The following USH2A variants were observed in gnomAD, a reference collection of about 807,000 sequenced individuals.
The protein encoded by USH2A is usherin.
A neutral mutation model predicts 538.9 loss-of-function variants in USH2A; 443 were observed. The observed-to-expected ratio is 0.82, with a 90% CI of 0.76 to 0.89. The LOEUF (loss-of-function observed/expected upper bound fraction) is 0.89, where lower values mean the gene tolerates loss of function less well. USH2A is among the 40% of genes least tolerant of loss of function. The pLI is 0.00. For missense variants in USH2A, 6,633 were observed against 6,324.8 expected (o/e 1.05, Z -1.65); for synonymous variants, 2,413 against 2,273.5 (o/e 1.06, Z -1.75).
chr1:216,136,405 C>A (rs370364063), intron 21 of USH2A, among the ~76,000 whole-genome samples: 1 of 152,002 alleles, frequency 6.6e-6, no homozygotes, highest in Non-Finnish European at 1.5e-5. Flanking sequence ...TACCATAGTG[C>A]ACCATGCTGT....
chr1:216,312,639 T>A (rs1451393290), intron 9 of USH2A, among the ~76,000 whole-genome samples: 1 of 148,724 alleles, frequency 6.7e-6, no homozygotes, highest in Non-Finnish European at 1.5e-5. Flanking sequence ...TCTTTTTGCT[T>A]CTTTGTCAGA....
chr1:215,979,309 G>A (rs899003186), intron 35 of USH2A, among the ~76,000 whole-genome samples: 13 of 152,046 alleles, frequency 8.6e-5, no homozygotes, highest in Non-Finnish European at 1.8e-4. Flanking sequence ...GATTTGGGTG[G>A]GGACACAGAG....
chr1:215,654,511 G>A (rs1657180988), intron 64 of USH2A, among the ~76,000 whole-genome samples: 1 of 152,202 alleles, frequency 6.6e-6, no homozygotes, highest in Non-Finnish European at 1.5e-5. Flanking sequence ...ATGTGAATGA[G>A]TGGGTGCACA....
chr1:215,639,136 TATA>T lies in USH2A; in HGVS notation c.15052+16_15052+18del, dbSNP rs1656594052. 1 of 1,612,840 alleles carries T rather than the reference TATA, an allele frequency of 6.2e-7. No homozygotes were observed. The highest frequency in any genetic ancestry group is 2.2e-5 in the East Asian group (1 of 44,866). On this transcript the variant is annotated intron_variant, in intron 69 of 71. Coordinates refer to ENST00000307340, the MANE Select transcript of USH2A (RefSeq NM_206933.4). ...GAAGATGAATAGGTGCTACGCCAAGTATAATATGAGTTGTTTACCAAGTCCAGT... is the reference window on the plus strand; with the variant it reads ...GAAGATGAATAGGTGCTACGCCAAGTATATGAGTTGTTTACCAAGTCCAGT...
intron 44 of USH2A, among the ~76,000 whole-genome samples, chr1:215,855,718 A>T (rs918882150): frequency 6.6e-6 from 1 of 152,140 alleles, no homozygotes; most frequent in African/African-American, 2.4e-5. Flanking sequence ...AAAAGAACTC[A>T]CATAGCCAAA....
chr1:216,162,258 C>T (rs2034073469), intron 21 of USH2A, among the ~76,000 whole-genome samples: 2 of 152,036 alleles, frequency 1.3e-5, no homozygotes, highest in South Asian at 4.2e-4. Flanking sequence ...TCTAATCTTG[C>T]CTTCTGCAAT....
At chr1:215,830,466 G>T (rs149928277) in intron 47 of USH2A, among the ~76,000 whole-genome samples, 1 of 151,558 alleles carries the variant, frequency 6.6e-6, no homozygotes, top group Non-Finnish European at 1.5e-5. Flanking sequence ...TTTTTTTCTC[G>T]AATTCCTCTT....
intron 3 of USH2A, among the ~76,000 whole-genome samples, chr1:216,385,650 A>G (rs189402780): frequency 1.6e-4 from 24 of 152,312 alleles, no homozygotes; most frequent in Non-Finnish European, 3.4e-4. Context: ...GGCTGTTTTA[A>G]TAAGATCCCT....
rs73092463 is a variant in USH2A at position 215,974,232 on chromosome 1, T to A, written c.6806-3456A>T. Among the ~76,000 whole-genome samples the A allele has an allele frequency of 6.6e-3, 1,001 of 152,272 alleles. 11 individuals carry two copies. The highest frequency in any genetic ancestry group is 0.023 in the African/African-American group (945 of 41,568). On this transcript the variant is annotated intron_variant, in intron 35 of 71. Coordinates refer to ENST00000307340, the MANE Select transcript of USH2A (RefSeq NM_206933.4). Reference sequence around the variant, plus strand: ...CAATTTTAACTTCATTGACCTCAGATTCCTAAACAGAGTAACAAAAACTAA... The same window carrying A: ...CAATTTTAACTTCATTGACCTCAGAATCCTAAACAGAGTAACAAAAACTAA...
chr1:216,040,486 G>A (rs950885576), intron 32 of USH2A, among the ~76,000 whole-genome samples: 1 of 151,862 alleles, frequency 6.6e-6, no homozygotes, highest in Non-Finnish European at 1.5e-5. Flanking sequence ...TGCTATTTTT[G>A]TTTCTAAAAA....
At chr1:215,627,680 C>T (rs1013591103) in intron 71 of USH2A, among the ~76,000 whole-genome samples, 4 of 152,014 alleles carry the variant, frequency 2.6e-5, no homozygotes, top group East Asian at 3.9e-4. Flanking sequence ...TGCGCACCAC[C>T]GCGCCCAGCT....
At chr1:216,197,283 C>A (rs894025891) in intron 18 of USH2A, among the ~76,000 whole-genome samples, 1 of 152,144 alleles carries the variant, frequency 6.6e-6, no homozygotes, top group African/African-American at 2.4e-5. Flanking sequence ...TTCCCCCCTG[C>A]CACTCCTGAG....
intron 38 of USH2A, among the ~76,000 whole-genome samples, chr1:215,906,365 T>C (rs764398347): frequency 2.0e-5 from 3 of 152,046 alleles, no homozygotes; most frequent in Non-Finnish European, 4.4e-5. Flanking sequence ...TTGTAGGATA[T>C]ACGGAATAAG....
chr1:216,302,911 T>C (rs2102624812), intron 9 of USH2A, among the ~76,000 whole-genome samples: 1 of 152,194 alleles, frequency 6.6e-6, no homozygotes, highest in East Asian at 1.9e-4. Flanking sequence ...GATAGCCTAT[T>C]TTTTTAAACA....
chr1:215,987,426 C>A (rs140080123), intron 35 of USH2A, among the ~76,000 whole-genome samples: 140 of 152,224 alleles, frequency 9.2e-4, no homozygotes, highest in African/African-American at 3.2e-3. Context: ...CTCTTTTCAG[C>A]GGTTTTAAAA....
chr1:215,699,026 T>C (rs992776580), intron 61 of USH2A, among the ~76,000 whole-genome samples: 1 of 152,216 alleles, frequency 6.6e-6, no homozygotes, highest in Non-Finnish European at 1.5e-5. Context: ...CAGTTTCAGT[T>C]TTCTGCATAT....
intron 37 of USH2A, among the ~76,000 whole-genome samples, chr1:215,961,553 T>C (rs1241112669): frequency 6.6e-6 from 1 of 151,106 alleles, no homozygotes; most frequent in Non-Finnish European, 1.5e-5. Context: ...TTGAAAAAAA[T>C]AAATATGAAA....
At chr1:215,739,804 G>C (rs1331282152) in intron 60 of USH2A, among the ~76,000 whole-genome samples, 1 of 152,066 alleles carries the variant, frequency 6.6e-6, no homozygotes, top group Non-Finnish European at 1.5e-5. Flanking sequence ...CATCACTGAA[G>C]ACTGATGTGA....
rs776262139 is a variant in USH2A, at chr1:216,046,586, TGTG to T, written c.6167_6169del (p.Pro2056del). On this transcript the variant is annotated inframe_deletion, in exon 32 of 72. Transcript: ENST00000307340. ...TTTGGCTACTGGTGGCTGAACCTCT[TGTG>T]GGGCTGTGGAAGAAAAGATTTATAG... 8.1e-6 allele frequency: 13 copies of T among 1,613,774 alleles called. No homozygotes were observed. The highest frequency in any genetic ancestry group is 1.7e-4 in the Middle Eastern group (1 of 6,060).
Sources: gnomAD v4.1 joint callset for allele counts (sites outside exome capture counted in the v4.1 genomes callset) on GRCh38, gnomAD v4.1.1 for gene constraint, MANE v1.5 for transcripts, NCBI Gene and HGNC (gene_info 2026-07-23, HGNC 2026-07-21) for gene names.